Variants in PARD3B observed in about 807,000 individuals in gnomAD.
PARD3B encodes partitioning defective 3 homolog B.
In PARD3B, 103 loss-of-function variants were observed where a neutral mutation model predicts 130.2. The ratio of observed to expected loss-of-function variants is 0.79; its 90% CI spans 0.67 to 0.93. The LOEUF is 0.93. PARD3B is among the 40% of genes least tolerant of loss of function. The pLI is 0.00. For synonymous variants in PARD3B, 583 were observed against 553.2 expected, an observed-to-expected ratio of 1.05 and a Z score of -0.76; for missense variants, 1,609 against 1,499.2, an observed-to-expected ratio of 1.07 and a Z score of -1.21.
chr2:204,656,368 A>C (rs982094369), intron 1 of PARD3B, among the ~76,000 whole-genome samples: 1 of 152,086 alleles, frequency 6.6e-6, no homozygotes, highest in Non-Finnish European at 1.5e-5. Context: ...TAGAAAACAA[A>C]CAAACAAACA....
chr2:204,624,320 G>A (rs1439860196), intron 1 of PARD3B, among the ~76,000 whole-genome samples: 2 of 152,052 alleles, frequency 1.3e-5, no homozygotes, highest in Admixed American at 6.6e-5. Flanking sequence ...CAAAAGATAG[G>A]TGTTGGCAGG....
At chr2:205,428,463 A>G (rs968231962) in intron 19 of PARD3B, among the ~76,000 whole-genome samples, 2 of 152,124 alleles carry the variant, frequency 1.3e-5, no homozygotes, top group African/African-American at 4.8e-5. Flanking sequence ...GAAGTCAGCA[A>G]TCCATCCTGG....
rs16836732 is a variant in PARD3B, at chr2:204,906,232, C to T, written c.223-58920C>T. ...ACTATTTGTCAAAAAGTAAAATGAA[C>T]CCAGCTCTCTCTGTATGAGATTCTG... On this transcript the variant is annotated intron_variant, in intron 2 of 22. Transcript: ENST00000406610. The surrounding 1 kb of genome is among the most constrained non-coding windows in gnomAD (Gnocchi z 4.3). Among the ~76,000 whole-genome samples the T allele has an allele frequency of 6.6e-6, 1 of 152,114 alleles. No individual in the cohort carries two copies. Among genetic ancestry groups the T allele is most frequent in the South Asian group, 2.1e-4 (1 of 4,824 alleles).
chr2:204,914,212 C>A (rs567279404), intron 2 of PARD3B, among the ~76,000 whole-genome samples: 1 of 152,172 alleles, frequency 6.6e-6, no homozygotes, highest in Non-Finnish European at 1.5e-5. Context: ...TAACAAGAAC[C>A]TCTCTTGCTT....
intron 2 of PARD3B, among the ~76,000 whole-genome samples, chr2:204,804,069 A>G: frequency 6.6e-6 from 1 of 152,120 alleles, no homozygotes; most frequent in East Asian, 1.9e-4. Context: ...AACAACAACA[A>G]AAAAATAAAT....
chr2:205,319,826 A>G (rs1337061696), intron 18 of PARD3B, among the ~76,000 whole-genome samples: 1 of 152,160 alleles, frequency 6.6e-6, no homozygotes, highest in Non-Finnish European at 1.5e-5. Flanking sequence ...GTGACATTCA[A>G]ATGACAATTA....
intron 2 of PARD3B, among the ~76,000 whole-genome samples, chr2:204,806,523 G>A (rs1474641939): frequency 6.6e-6 from 1 of 152,052 alleles, no homozygotes; most frequent in Non-Finnish European, 1.5e-5. Context: ...AAGACCTGAA[G>A]CTATGAAACT....
chr2:205,440,255 C>T lies in PARD3B; in HGVS notation c.2742-115C>T. Reference sequence around the variant, plus strand: ...TCTGCATGCTGTGATCTTGAGTAAACAGGAGAATGACAGCTAAGAGACGAG... The same window carrying T: ...TCTGCATGCTGTGATCTTGAGTAAATAGGAGAATGACAGCTAAGAGACGAG... On this transcript the variant is annotated intron_variant, in intron 19 of 22. Transcript: ENST00000406610. This position sits in a 1 kb window ranked among gnomAD's most constrained non-coding sequence, Gnocchi z 4.2. 1 of 1,025,516 alleles carries T rather than the reference C, an allele frequency of 9.8e-7. No homozygotes were observed. Among genetic ancestry groups the T allele is most frequent in the Non-Finnish European group, 1.4e-6 (1 of 702,204 alleles). 63.5% of individuals were successfully genotyped at this position (1,025,516 alleles called of 1,614,324 possible).
chr2:205,539,089 T>C (rs2052003147), intron 21 of PARD3B, among the ~76,000 whole-genome samples: 1 of 152,158 alleles, frequency 6.6e-6, no homozygotes, highest in Non-Finnish European at 1.5e-5. Flanking sequence ...CCACTGCCTC[T>C]GGGTGTTCAA....
intron 2 of PARD3B, among the ~76,000 whole-genome samples, chr2:204,845,940 C>A (rs2044446825): frequency 6.6e-6 from 1 of 151,876 alleles, no homozygotes. Context: ...TGATGAAACA[C>A]CATACGTAGT....
intron 22 of PARD3B, among the ~76,000 whole-genome samples, chr2:205,607,642 C>A (rs2055049812): frequency 6.6e-6 from 1 of 152,200 alleles, no homozygotes; most frequent in African/African-American, 2.4e-5. Flanking sequence ...CTGTGCTCAG[C>A]AGGCTTATGA....
At chr2:204,589,818 T>C (rs370455699) in intron 1 of PARD3B, among the ~76,000 whole-genome samples, 1 of 152,198 alleles carries the variant, frequency 6.6e-6, no homozygotes, top group African/African-American at 2.4e-5. Flanking sequence ...CACTGAAATA[T>C]GGAAATTTAA....
chr2:204,700,813 T>C (rs1345459373), intron 2 of PARD3B, among the ~76,000 whole-genome samples: 2 of 152,144 alleles, frequency 1.3e-5, no homozygotes, highest in Non-Finnish European at 2.9e-5. Flanking sequence ...GACAGAATTT[T>C]TGAATAAGAG....
intron 4 of PARD3B, among the ~76,000 whole-genome samples, chr2:205,062,373 G>T (rs1332261504): frequency 6.6e-6 from 1 of 152,116 alleles, no homozygotes; most frequent in Non-Finnish European, 1.5e-5. Flanking sequence ...TCACACACTT[G>T]TTCCTGGACT....
chr2:204,806,804 A>C (rs1222889117), intron 2 of PARD3B, among the ~76,000 whole-genome samples: 1 of 152,206 alleles, frequency 6.6e-6, no homozygotes, highest in Non-Finnish European at 1.5e-5. Flanking sequence ...AATAAAATCT[A>C]ATAATCTGAT....
intron 20 of PARD3B, among the ~76,000 whole-genome samples, chr2:205,489,501 A>ATATATACGTATATATATGTG (rs1559141238): frequency 3.5e-5 from 5 of 143,628 alleles, no homozygotes; most frequent in Admixed American, 7.1e-5. Flanking sequence ...ATGTGTGTAT[A>ATATATACGTATATATATGTG]TATATATACG....
rs1392788597 is a variant in PARD3B, at chr2:205,270,972, A to G, written c.2185+25150A>G. ...CCGGATTTTCTCGCCTCTCCTCCAGAGGCAAAAAAGGAAAAAGGTGTCTGG... is the reference window on the plus strand; with the variant it reads ...CCGGATTTTCTCGCCTCTCCTCCAGGGGCAAAAAAGGAAAAAGGTGTCTGG... On this transcript the variant is annotated intron_variant, in intron 16 of 22. Transcript: ENST00000406610. Among the ~76,000 whole-genome samples the G allele has an allele frequency of 2.0e-5, 3 of 152,272 alleles. No homozygotes were observed. In the East Asian group the frequency reaches 5.8e-4, roughly 29 times the overall value.
chr2:205,464,824 C>T (rs567360165), intron 20 of PARD3B, among the ~76,000 whole-genome samples: 50 of 152,140 alleles, frequency 3.3e-4, no homozygotes, highest in African/African-American at 1.0e-3. Flanking sequence ...GTTTAATCAC[C>T]CTTCTAATCA....
chr2:205,604,807 A>G (rs372684930), intron 22 of PARD3B, among the ~76,000 whole-genome samples: 15 of 152,228 alleles, frequency 9.9e-5, no homozygotes, highest in African/African-American at 3.4e-4. Flanking sequence ...ATGTTTTCCA[A>G]CGTGGTTCTG....
Sources: gnomAD v4.1 joint callset for allele counts (sites outside exome capture counted in the v4.1 genomes callset) on GRCh38, gnomAD v4.1.1 for gene constraint, Gnocchi (gnomAD v3.1) non-coding constraint, MANE v1.5 for transcripts, NCBI Gene and HGNC (gene_info 2026-07-23, HGNC 2026-07-21) for gene names.